The following SPRED1 variants were observed in gnomAD, a reference collection of about 807,000 sequenced individuals.
SPRED1 encodes sprouty-related, EVH1 domain-containing protein 1.
In SPRED1, 18 loss-of-function variants were observed where a neutral mutation model predicts 52.3. That is an observed-to-expected ratio of 0.34 (90% confidence interval 0.24 to 0.51). The LOEUF (loss-of-function observed/expected upper bound fraction) is 0.51. SPRED1 is among the 20% of genes least tolerant of loss of function. The pLI is 0.97. For synonymous variants in SPRED1, 155 were observed against 179.7 expected (o/e 0.86, Z 1.10); for missense variants, 485 against 551.0 (o/e 0.88, Z 1.20).
At chr15:38,342,944 G>A (rs1896057426) in intron 5 of SPRED1, among the ~76,000 whole-genome samples, 1 of 152,082 alleles carries the variant, frequency 6.6e-6, no homozygotes, top group African/African-American at 2.4e-5. Context: ...AGGACAGTTA[G>A]AATTATTTTG....
At chr15:38,279,757 A>G (rs1240376706) in intron 1 of SPRED1, among the ~76,000 whole-genome samples, 2 of 152,172 alleles carry the variant, frequency 1.3e-5, no homozygotes, top group African/African-American at 4.8e-5. Flanking sequence ...TATTAGTGGT[A>G]GTAGTAGTAG....
At chr15:38,296,913 G>A (rs147708087) in intron 1 of SPRED1, among the ~76,000 whole-genome samples, 4 of 152,244 alleles carry the variant, frequency 2.6e-5, no homozygotes, top group African/African-American at 4.8e-5. Context: ...GAATGGATTC[G>A]TATCCTAATA....
At chr15:38,294,757 G>A (rs1474222430) in intron 1 of SPRED1, among the ~76,000 whole-genome samples, 1 of 152,138 alleles carries the variant, frequency 6.6e-6, no homozygotes, top group Admixed American at 6.5e-5. Context: ...AAGAGCCAGA[G>A]CTGTACTGCT....
chr15:38,283,945 A>G lies in SPRED1; in HGVS notation c.33-15428A>G, dbSNP rs1028711700. ...AGGTATTTACTATTAAATGTTTATT[A>G]TTAGAGCTCAGATCACTTTATTTTA... On this transcript the variant is annotated intron_variant, in intron 1 of 6. Transcript: ENST00000299084. 7.9e-5 allele frequency among the ~76,000 whole-genome samples: 12 copies of G among 152,294 alleles called. No individual in the cohort carries two copies. The South Asian group carries it at 2.3e-3, about 29-fold the overall frequency.
chr15:38,344,492 C>T (rs764738694), intron 5 of SPRED1, among the ~76,000 whole-genome samples: 2 of 152,068 alleles, frequency 1.3e-5, no homozygotes, highest in African/African-American at 4.8e-5. Context: ...GTAGAAAGTA[C>T]AAAAAGTGCT....
chr15:38,350,946 C>T (rs1888469213), intron 6 of SPRED1, 68 bp from the exon 7 acceptor site: 2 of 1,456,258 alleles, frequency 1.4e-6, no homozygotes, highest in East Asian at 2.4e-5. Flanking sequence ...GACACTGGCC[C>T]CACCAAGGTG....
At chr15:38,293,720 A>G (rs1291850578) in intron 1 of SPRED1, among the ~76,000 whole-genome samples, 5 of 152,178 alleles carry the variant, frequency 3.3e-5, no homozygotes, top group African/African-American at 1.2e-4. Context: ...TGAGCATAGT[A>G]TGCATGGCTT....
chr15:38,316,940 T>G (rs1010537997), intron 2 of SPRED1, among the ~76,000 whole-genome samples: 1 of 151,730 alleles, frequency 6.6e-6, no homozygotes, highest in Non-Finnish European at 1.5e-5. Context: ...ATATTCTTTA[T>G]AGTTATTCTT....
rs556907443 is a variant in SPRED1 at position 38,252,995 on chromosome 15, C to T, written c.-191C>T. 1.2e-3 allele frequency: 744 copies of T among 619,444 alleles called. 1 individual carries two copies. Among genetic ancestry groups the T allele is most frequent in the Non-Finnish European group, 1.5e-3 (529 of 347,252 alleles). 38.4% of individuals were successfully genotyped at this position (619,444 alleles called of 1,614,324 possible). A position where few individuals can be genotyped will look rare whatever the true frequency, so the allele number is the denominator to read the frequency against. ...ACGGCGGAGGTTGCTGCCGCCACCC[C>T]CCTGCGGGGGTGGCCGGGGTTCCCG... On this transcript the variant is annotated 5_prime_UTR_variant, in exon 1 of 7. Coordinates refer to ENST00000299084, the MANE Select transcript of SPRED1 (RefSeq NM_152594.3).
chr15:38,310,153 G>GTGTGTGTGTGTGTGTGTGTGTGTGTGTGT (rs373463622), intron 2 of SPRED1, among the ~76,000 whole-genome samples: 7 of 132,262 alleles, frequency 5.3e-5, no homozygotes, highest in East Asian at 4.6e-4. Context: ...GTGTGTGTGT[G>GTGTGTGTGTGTGTGTGTGTGTGTGTGTGT]TTTGGAGACG....
intron 1 of SPRED1, among the ~76,000 whole-genome samples, chr15:38,260,148 A>T (rs1475711648): frequency 1.3e-5 from 2 of 152,254 alleles, no homozygotes; most frequent in East Asian, 3.8e-4. Context: ...CTTAAAAAGC[A>T]ACAACAAGTT....
intron 1 of SPRED1, among the ~76,000 whole-genome samples, chr15:38,277,083 TAA>T (rs2140961284): frequency 6.6e-6 from 1 of 152,302 alleles, no homozygotes; most frequent in Non-Finnish European, 1.5e-5. Flanking sequence ...GCTTCTACAT[TAA>T]GAGAAGTAAA....
At chr15:38,316,758 T>TG (rs560671154) in intron 2 of SPRED1, among the ~76,000 whole-genome samples, 30,058 of 142,044 alleles carry the variant, frequency 0.21, 3,838 homozygotes, top group Middle Eastern at 0.32. Flanking sequence ...GTTTTTTTTT[T>TG]TTTTTTTTTT....
intron 4 of SPRED1, among the ~76,000 whole-genome samples, chr15:38,338,303 G>T (rs11073317): frequency 0.96 from 137,040 of 143,410 alleles, 65,789 homozygotes; most frequent in East Asian, 1. Context: ...GTTTTGTTTT[G>T]TTTTTTTTCT....
chr15:38,347,461 CTTTTTTTT>C (rs3075337), intron 5 of SPRED1, among the ~76,000 whole-genome samples: 2 of 93,224 alleles, frequency 2.1e-5, no homozygotes, highest in Non-Finnish European at 4.2e-5. Context: ...CCGCTTGGAT[CTTTTTTTT>C]TTTTTTTTTT....
intron 1 of SPRED1, among the ~76,000 whole-genome samples, chr15:38,271,136 C>T (rs1421636790): frequency 6.6e-6 from 1 of 152,164 alleles, no homozygotes; most frequent in Non-Finnish European, 1.5e-5. Flanking sequence ...ACCTAATTAT[C>T]CGTGTATCAT....
At chr15:38,264,701 C>A (rs1006034803) in intron 1 of SPRED1, among the ~76,000 whole-genome samples, 1 of 152,040 alleles carries the variant, frequency 6.6e-6, no homozygotes. Flanking sequence ...GTGCTGGTAT[C>A]ACTGTTGCCA....
At chr15:38,278,136 C>CA (rs1319456963) in intron 1 of SPRED1, among the ~76,000 whole-genome samples, 1 of 152,072 alleles carries the variant, frequency 6.6e-6, no homozygotes, top group East Asian at 1.9e-4. Flanking sequence ...GTAATGAAAA[C>CA]AGAAAACTCT....
chr15:38,280,113 C>T (rs533375251), intron 1 of SPRED1, among the ~76,000 whole-genome samples: 10 of 151,886 alleles, frequency 6.6e-5, no homozygotes, highest in Non-Finnish European at 1.2e-4. Flanking sequence ...CCTGGTAACC[C>T]CAGTGTCTTT....
Sources: gnomAD v4.1 joint callset for allele counts (sites outside exome capture counted in the v4.1 genomes callset) on GRCh38, gnomAD v4.1.1 for gene constraint, MANE v1.5 for transcripts, NCBI Gene and HGNC (gene_info 2026-07-23, HGNC 2026-07-21) for gene names.